ANKRD17: variants seen among roughly 807,000 people sequenced by gnomAD.
ANKRD17 encodes the protein ankyrin repeat domain 17, also known as ankyrin repeat domain-containing protein 17.
In ANKRD17, 19 loss-of-function variants were observed where a neutral mutation model predicts 229.7. The ratio of observed to expected loss-of-function variants is 0.08; its 90% CI spans 0.06 to 0.12. The LOEUF (loss-of-function observed/expected upper bound fraction) is 0.12, where lower values mean the gene tolerates loss of function less well. ANKRD17 is among the 10% of genes least tolerant of loss of function. The pLI is 1.00. For missense variants in ANKRD17, 2,176 were observed against 3,176.8 expected (o/e 0.68, Z 7.57); for synonymous variants, 1,112 against 1,146.1 (o/e 0.97, Z 0.60).
chr4:73,204,922 C>CTT (rs145349451), intron 1 of ANKRD17, among the ~76,000 whole-genome samples: 1 of 151,886 alleles, frequency 6.6e-6, no homozygotes, highest in South Asian at 2.1e-4. Flanking sequence ...TCACAAAATA[C>CTT]TTTTTTTGTG....
At chr4:73,184,090 G>T (rs1735935636) in intron 1 of ANKRD17, among the ~76,000 whole-genome samples, 1 of 152,054 alleles carries the variant, frequency 6.6e-6, no homozygotes, top group African/African-American at 2.4e-5. Context: ...ATGGAAATTT[G>T]GTAATGCGGG....
intron 1 of ANKRD17, among the ~76,000 whole-genome samples, chr4:73,221,333 A>G (rs1034325979): frequency 6.6e-6 from 1 of 152,166 alleles, no homozygotes; most frequent in Non-Finnish European, 1.5e-5. Context: ...GAGATAATAA[A>G]AAGCCAGTTG....
intron 1 of ANKRD17, among the ~76,000 whole-genome samples, chr4:73,215,556 C>A (rs919537745): frequency 2.6e-5 from 4 of 152,092 alleles, no homozygotes; most frequent in Admixed American, 6.6e-5. Flanking sequence ...CTGCGCCTGG[C>A]TGAAAATGTG....
chr4:73,242,896 G>C (rs898865500), intron 1 of ANKRD17, among the ~76,000 whole-genome samples: 1 of 152,142 alleles, frequency 6.6e-6, no homozygotes, highest in African/African-American at 2.4e-5. Flanking sequence ...AAAACCAACA[G>C]GGCTCTTTCC....
chr4:73,081,058 C>A (rs1402429594), intron 30 of ANKRD17, among the ~76,000 whole-genome samples: 2 of 152,312 alleles, frequency 1.3e-5, no homozygotes, highest in South Asian at 4.1e-4. Flanking sequence ...TATCAGATGA[C>A]CCTGTTTTCT....
chr4:73,216,190 T>C (rs1741008900), intron 1 of ANKRD17, among the ~76,000 whole-genome samples: 1 of 152,196 alleles, frequency 6.6e-6, no homozygotes, highest in African/African-American at 2.4e-5. Context: ...TCTCACAAAT[T>C]TTTTCTTTTG....
At chr4:73,192,959 ATACTT>A (rs892919495) in intron 1 of ANKRD17, among the ~76,000 whole-genome samples, 7 of 152,140 alleles carry the variant, frequency 4.6e-5, no homozygotes, top group African/African-American at 2.4e-5. Context: ...TTATTGAAGT[ATACTT>A]TAGAGTAAAA....
intron 1 of ANKRD17, among the ~76,000 whole-genome samples, chr4:73,177,894 GT>G (rs1417128224): frequency 3.3e-5 from 5 of 152,040 alleles, no homozygotes; most frequent in African/African-American, 7.2e-5. Context: ...GTTTTTAAAT[GT>G]TTTGCTTTCA....
At chr4:73,192,702 C>G (rs898061006) in intron 1 of ANKRD17, among the ~76,000 whole-genome samples, 5 of 152,060 alleles carry the variant, frequency 3.3e-5, no homozygotes, top group Admixed American at 3.3e-4. Flanking sequence ...GCTATCATAA[C>G]AATTTGTATT....
intron 11 of ANKRD17, 41 bp downstream of exon 11, chr4:73,144,704 G>A (rs371722117): frequency 7.1e-7 from 1 of 1,399,172 alleles, no homozygotes; most frequent in Non-Finnish European, 9.7e-7. Flanking sequence ...GGCAGGGGTA[G>A]ATACCTTTCA....
At chr4:73,095,429 C>T (rs999734474) in intron 27 of ANKRD17, among the ~76,000 whole-genome samples, 7 of 151,320 alleles carry the variant, frequency 4.6e-5, no homozygotes, top group Non-Finnish European at 1.0e-4. Context: ...GGTGAAATCT[C>T]ATCTCTACTA....
In ANKRD17 at chr4:73,092,319, A is replaced by T; in HGVS notation, c.5328-19T>A. On this transcript the variant is annotated intron_variant, in intron 28 of 33. Coordinates refer to ENST00000358602, the MANE Select transcript of ANKRD17 (RefSeq NM_032217.5). ...GCCACCCCTATAAATTGAGAAAAAA[A>T]AATTAGGTAGAATTTTCCCTACTTT... The T allele has an allele frequency of 6.3e-7, 1 of 1,574,866 alleles. No homozygotes were observed. The highest frequency in any genetic ancestry group is 8.6e-7 in the Non-Finnish European group (1 of 1,164,674).
chr4:73,142,786 G>A lies in ANKRD17; in HGVS notation c.1958-19C>T. 1.3e-6 allele frequency: 2 copies of A among 1,587,822 alleles called. No individual in the cohort carries two copies. The highest frequency in any genetic ancestry group is 1.2e-5 in the South Asian group (1 of 86,408). ...TTCGCTCCTAAAACAGAAAAGGCAT[G>A]GAAAATCATATTAGTAGAATGGTTT... On this transcript the variant is annotated intron_variant, in intron 11 of 33. Transcript: ENST00000358602.
chr4:73,137,647 AG>A (rs1455373544), intron 15 of ANKRD17, among the ~76,000 whole-genome samples: 1 of 152,178 alleles, frequency 6.6e-6, no homozygotes, highest in Admixed American at 6.5e-5. Context: ...GATGAGTTGC[AG>A]GTAAGTAGCC....
intron 1 of ANKRD17, among the ~76,000 whole-genome samples, chr4:73,225,329 T>C (rs766836315): frequency 2.0e-5 from 3 of 152,124 alleles, no homozygotes; most frequent in Non-Finnish European, 4.4e-5. Context: ...GAATAGGCCT[T>C]CCAAATCCTT....
chr4:73,169,710 C>T (rs1733717745), intron 2 of ANKRD17, among the ~76,000 whole-genome samples: 1 of 152,188 alleles, frequency 6.6e-6, no homozygotes, highest in Non-Finnish European at 1.5e-5. Flanking sequence ...AATGACACCC[C>T]TCCCTAATCC....
At chr4:73,163,140 C>T (rs1047943751) in intron 2 of ANKRD17, among the ~76,000 whole-genome samples, 14 of 151,588 alleles carry the variant, frequency 9.2e-5, no homozygotes, top group Non-Finnish European at 1.6e-4. Context: ...GCTAGGTTTA[C>T]ACGTGTGATC....
Position 73,074,428 on chromosome 4 carries a change from T to C in ANKRD17, c.*1803A>G, listed in dbSNP as rs1720881045. On this transcript the variant is annotated 3_prime_UTR_variant, in exon 34 of 34. Transcript: ENST00000358602. ...ACATCCCTTTTTTAGTAAAGTGCTA[T>C]AATTTTATTTCATAGCTATATTTAT... 2 of 152,066 alleles carry C rather than the reference T, an allele frequency of 1.3e-5. No homozygotes were observed. The highest frequency in any genetic ancestry group is 1.5e-5 in the Non-Finnish European group (1 of 67,892). 9.4% of individuals were successfully genotyped at this position (152,066 alleles called of 1,614,324 possible).
intron 1 of ANKRD17, among the ~76,000 whole-genome samples, chr4:73,180,587 T>C (rs1432438623): frequency 6.6e-6 from 1 of 152,188 alleles, no homozygotes; most frequent in African/African-American, 2.4e-5. Context: ...TCTCACTATA[T>C]GCAAAACTTG....
Sources: gnomAD v4.1 joint callset for allele counts (sites outside exome capture counted in the v4.1 genomes callset) on GRCh38, gnomAD v4.1.1 for gene constraint, MANE v1.5 for transcripts, NCBI Gene and HGNC (gene_info 2026-07-23, HGNC 2026-07-21) for gene names.